The following TFR2 variants were observed in gnomAD, a reference collection of about 807,000 sequenced individuals.
TFR2 encodes transferrin receptor protein 2.
A neutral mutation model predicts 91.9 loss-of-function variants in TFR2; 64 were observed. The observed-to-expected ratio is 0.70, with a 90% CI of 0.57 to 0.86. The LOEUF is 0.86. Among genes scored for constraint, TFR2 ranks in the 40% least tolerant of loss-of-function variants. TFR2 has a pLI of 0.00. For missense variants in TFR2, 950 were observed against 1,080.5 expected, an observed-to-expected ratio of 0.88 and a Z score of 1.69; for synonymous variants, 454 against 459.6, an observed-to-expected ratio of 0.99 and a Z score of 0.15.
chr7:100,641,133 C>G lies in TFR2; in HGVS notation c.129G>C (p.Glu43Asp). 6.4e-7 allele frequency: 1 copy of G among 1,559,890 alleles called. No individual in the cohort carries two copies. The highest frequency in any genetic ancestry group is 1.4e-5 in the African/African-American group (1 of 73,608). The part of the protein sequence containing the change: ...HLEEEEEDGE[E>D]GAETLAHFCP... Reference sequence around the variant, plus strand: ...AGAAGTGGGCCAATGTCTCCGCCCCCTCCTCCCCGTCTTCCTCTTCCTCCT... The same window carrying G: ...AGAAGTGGGCCAATGTCTCCGCCCCGTCCTCCCCGTCTTCCTCTTCCTCCT... The change falls in exon 2 of 18, where the codon GAG becomes GAC. Residue 43 changes from glutamate to aspartate, a missense_variant. By Grantham distance (45) the Glu-to-Asp change is conservative. Coordinates refer to ENST00000223051, the MANE Select transcript of TFR2 (RefSeq NM_003227.4).
At chr7:100,637,120 C>T (rs1376903165) in intron 3 of TFR2, among the ~76,000 whole-genome samples, 1 of 152,082 alleles carries the variant, frequency 6.6e-6, no homozygotes. Flanking sequence ...ACATAAATTG[C>T]CGGGCGCAGT....
At chr7:100,633,392 C>A (rs1038501546) in intron 4 of TFR2, 24 bp downstream of exon 4, 6 of 1,605,418 alleles carry the variant, frequency 3.7e-6, no homozygotes, top group East Asian at 4.5e-5. Flanking sequence ...TCCCCGCGCG[C>A]CCCCCGCCCG....
In TFR2 at chr7:100,628,222, A is replaced by T; in HGVS notation, c.1473+2T>A. 6.2e-7 allele frequency: 1 copy of T among 1,601,714 alleles called. No homozygotes were observed. Among genetic ancestry groups the T allele is most frequent in the Non-Finnish European group, 8.5e-7 (1 of 1,177,596 alleles). On this transcript the variant is annotated splice_donor_variant, in intron 11 of 17. Coordinates refer to ENST00000223051, the MANE Select transcript of TFR2 (RefSeq NM_003227.4). LOFTEE classifies it high-confidence loss of function. The stretch of plus-strand genomic sequence containing the variant: ...AACGACCTGCCCGGGACCCCGTATC[A>T]CCTCTAGCCACTCCGTGGAGCCCAC...
intron 16 of TFR2, 50 bp from the exon 17 acceptor site, chr7:100,626,953 C>A (rs1202429588): frequency 4.6e-6 from 7 of 1,516,012 alleles, no homozygotes; most frequent in South Asian, 1.2e-5. Flanking sequence ...CCAGGACCCC[C>A]GCCTAGCATG....
chr7:100,639,969 A>C (rs1803660946), intron 3 of TFR2: 1 of 151,974 alleles, frequency 6.6e-6, no homozygotes, highest in South Asian at 2.1e-4. Context: ...TGTTTTTAGT[A>C]CAGACGGGGT....
At chr7:100,637,676 G>T (rs540699016) in intron 3 of TFR2, among the ~76,000 whole-genome samples, 2 of 152,136 alleles carry the variant, frequency 1.3e-5, no homozygotes, top group Admixed American at 1.3e-4. Context: ...AGCTGGGCGT[G>T]GTGGCCCCTC....
At chr7:100,625,285 C>G (rs1410952667) in intron 17 of TFR2, among the ~76,000 whole-genome samples, 2 of 152,006 alleles carry the variant, frequency 1.3e-5, no homozygotes, top group African/African-American at 2.4e-5. Flanking sequence ...TCTCGAACTC[C>G]TGACCCCAGG....
intron 1 of TFR2, 123 bp downstream of exon 1, chr7:100,641,354 G>GGGGGC: frequency 1.8e-6 from 1 of 570,590 alleles, no homozygotes; most frequent in Non-Finnish European, 3.1e-6. Context: ...TGGGGGAGGG[G>GGGGGC]CAGGGGTGGG....
intron 17 of TFR2, among the ~76,000 whole-genome samples, chr7:100,623,331 CTAT>C (rs558701679): frequency 1.3e-4 from 20 of 152,354 alleles, no homozygotes; most frequent in African/African-American, 3.4e-4. Flanking sequence ...TCTAAGACAA[CTAT>C]TATTATTATT....
rs1206667284 is a variant in TFR2 at position 100,626,902 on chromosome 7, G to A, written c.1997C>T (p.Ala666Val). ...NLNEFSGDLKARGLTLQWVYS... is the reference protein window; with the variant it reads ...NLNEFSGDLKVRGLTLQWVYS... ...CACCCACTGCAGGGTCAGCCCGCGG[G>A]CCTGGGGTGGGGAGGCGCGGGCTGG... Residue 666 changes from alanine to valine, a missense_variant and splice_region_variant, in exon 17 of 18, where the codon GCC (alanine) becomes GTC (valine). Transcript: ENST00000223051. 1 of 1,537,692 alleles carries A rather than the reference G, an allele frequency of 6.5e-7. No individual in the cohort carries two copies. Among genetic ancestry groups the A allele is most frequent in the Admixed American group, 2.0e-5 (1 of 50,796 alleles).
At chr7:100,632,055 C>T (rs765263016) in intron 7 of TFR2, 27 bp downstream of exon 7, 10 of 1,613,912 alleles carry the variant, frequency 6.2e-6, no homozygotes, top group Non-Finnish European at 7.6e-6. Context: ...GACCTGGGAA[C>T]AGCACGACCA....
intron 3 of TFR2, among the ~76,000 whole-genome samples, chr7:100,635,519 C>T (rs1282838571): frequency 2.0e-5 from 3 of 151,746 alleles, no homozygotes; most frequent in African/African-American, 7.3e-5. Context: ...AATCTTGGCT[C>T]ACTGCAACCT....
chr7:100,631,875 A>G lies in TFR2; in HGVS notation c.1037T>C (p.Val346Ala), dbSNP rs1475010711. ...PSFNQTQFPP[V>A]ASSGLPSIPA... ...GATGCTGGGAAGGCCTGATGATGCA[A>G]CTGGAGGGAACTGGGTTTGATTGAA... The change falls in exon 8 of 18, where the codon GTT (valine) becomes GCT (alanine). Residue 346 changes from valine (V) to alanine (A), a missense_variant. By Grantham distance (64) the Val-to-Ala change is moderately conservative (BLOSUM62 0). Coordinates refer to ENST00000223051, the MANE Select transcript of TFR2 (RefSeq NM_003227.4). The G allele has an allele frequency of 6.2e-7, 1 of 1,613,814 alleles. No homozygotes were observed. The highest frequency in any genetic ancestry group is 8.5e-7 in the Non-Finnish European group (1 of 1,180,002).
At chr7:100,632,324 C>T (rs914892874) in intron 6 of TFR2, 126 bp from the exon 7 acceptor site, 15 of 894,046 alleles carry the variant, frequency 1.7e-5, no homozygotes, top group Non-Finnish European at 2.6e-5. Flanking sequence ...TGTGGGGGCA[C>T]TACCTGGCCT....
chr7:100,623,267 G>A (rs921708490), intron 17 of TFR2, among the ~76,000 whole-genome samples: 9 of 152,182 alleles, frequency 5.9e-5, no homozygotes, highest in Admixed American at 2.6e-4. Context: ...GCGAGACTCC[G>A]TCTCAAAAAA....
chr7:100,633,258 A>T lies in TFR2; in HGVS notation c.697T>A (p.Cys233Ser). Reference protein sequence around the residue: ...QLPLEDPDVYCPYSAIGNVTG... With the variant: ...QLPLEDPDVYSPYSAIGNVTG... ...ACGTTGCCGATGGCGCTGTAGGGGC[A>T]GTAGACGTCAGGGTCCTCCAGCGGC... Residue 233 changes from cysteine (C) to serine (S), a missense_variant, in exon 5 of 18, where the codon TGC (cysteine) becomes AGC (serine). Transcript: ENST00000223051. The T allele has an allele frequency of 5.0e-6, 8 of 1,613,766 alleles. No individual in the cohort carries two copies. Among genetic ancestry groups the T allele is most frequent in the Non-Finnish European group, 6.8e-6 (8 of 1,179,854 alleles).
In TFR2 at chr7:100,628,242, G is replaced by C; in HGVS notation, c.1455C>G (p.Gly485=). ...GTATCACCTCTAGCCACTCCGTGGAGCCCACGCTTCCAAAGTCACCACCGT... is the reference window on the plus strand; with the variant it reads ...GTATCACCTCTAGCCACTCCGTGGACCCCACGCTTCCAAAGTCACCACCGT... ...SWDGGDFGSV[G]STEWLEGYLS... is the part of the protein sequence containing the mutation. Residue 485 remains glycine, a synonymous_variant, in exon 11 of 18, where the codon GGC becomes GGG. Transcript: ENST00000223051. The C allele has an allele frequency of 6.2e-7, 1 of 1,613,516 alleles. No individual in the cohort carries two copies.
At chr7:100,632,016 C>T (rs987756676) in intron 7 of TFR2, 66 bp downstream of exon 7, 1 of 1,614,098 alleles carries the variant, frequency 6.2e-7, no homozygotes, top group Non-Finnish European at 8.5e-7. Flanking sequence ...CATGCCAGCC[C>T]TATTCTGAGC....
intron 3 of TFR2, among the ~76,000 whole-genome samples, chr7:100,638,104 T>C (rs898081175): frequency 4.0e-5 from 6 of 151,746 alleles, no homozygotes; most frequent in Non-Finnish European, 8.8e-5. Context: ...CCCGGGTTCA[T>C]GCCATTCTCC....
Sources: gnomAD v4.1 joint callset for allele counts (sites outside exome capture counted in the v4.1 genomes callset) on GRCh38, gnomAD v4.1.1 for gene constraint, MANE v1.5 for transcripts, NCBI Gene and HGNC (gene_info 2026-07-23, HGNC 2026-07-21) for gene names.